Variants in GAK observed in about 807,000 individuals in gnomAD.
GAK encodes the protein cyclin-G-associated kinase.
In GAK, 79 loss-of-function variants were observed where a neutral mutation model predicts 143.9. The observed-to-expected ratio is 0.55, with a 90% CI of 0.46 to 0.66. The LOEUF is 0.66. Among genes scored for constraint, GAK ranks in the 30% least tolerant of loss-of-function variants. The pLI, the probability that GAK is intolerant of heterozygous loss-of-function variation, is 0.00. For synonymous variants in GAK, 881 were observed against 765.5 expected (o/e 1.15, Z -2.49); for missense variants, 1,693 against 1,779.7 (o/e 0.95, Z 0.88).
chr4:907,672 C>T (rs3775112), intron 4 of GAK, among the ~76,000 whole-genome samples: 84,515 of 152,088 alleles, frequency 0.56, 23,971 homozygotes, highest in South Asian at 0.67. Context: ...TGGGAGGGAC[C>T]GGGCACATCC....
At chr4:890,946 A>G (rs1361549133) in intron 9 of GAK, among the ~76,000 whole-genome samples, 1 of 131,998 alleles carries the variant, frequency 7.6e-6, no homozygotes, top group African/African-American at 2.8e-5. Flanking sequence ...TCCAACCAAC[A>G]TTTTTTTTTT....
chr4:904,914 G>C, intron 4 of GAK, 135 bp from the exon 5 acceptor site: 1 of 787,412 alleles, frequency 1.3e-6, no homozygotes, highest in Non-Finnish European at 2.0e-6. Context: ...GTAACAAAAC[G>C]ACCAGAGGTG....
intron 15 of GAK, among the ~76,000 whole-genome samples, chr4:879,649 T>C (rs1172002497): frequency 6.6e-6 from 1 of 152,210 alleles, no homozygotes; most frequent in Admixed American, 6.5e-5. Flanking sequence ...TGGGTTTTCA[T>C]GTGTTCATCT....
chr4:850,202 T>C (rs1017765561), intron 26 of GAK, 134 bp from the exon 27 acceptor site: 1 of 804,022 alleles, frequency 1.2e-6, no homozygotes, highest in Non-Finnish European at 1.9e-6. Context: ...ACAGACACTG[T>C]CCCACTGCAC....
intron 1 of GAK, among the ~76,000 whole-genome samples, chr4:927,700 TGCCCTCC>T (rs1259457013): frequency 7.8e-6 from 1 of 127,912 alleles, no homozygotes; most frequent in South Asian, 2.7e-4. Context: ...CCCGCTCACC[TGCCCTCC>T]GCACTGCCCC....
chr4:856,913 C>T (rs12509561), intron 24 of GAK, among the ~76,000 whole-genome samples: 23,741 of 152,216 alleles, frequency 0.16, 2,074 homozygotes, highest in Middle Eastern at 0.3. Flanking sequence ...ACCAAGCTGA[C>T]GACGTTCTGC....
chr4:928,521 C>T (rs551500159), intron 1 of GAK, among the ~76,000 whole-genome samples: 325 of 152,290 alleles, frequency 2.1e-3, no homozygotes, highest in African/African-American at 6.9e-3. Flanking sequence ...CAGAGCCAGA[C>T]TCTTTTCAAT....
At chr4:879,125 C>T (rs962311309) in intron 15 of GAK, among the ~76,000 whole-genome samples, 16 of 152,176 alleles carry the variant, frequency 1.1e-4, no homozygotes, top group Admixed American at 8.5e-4. Flanking sequence ...AGGGAGACCA[C>T]GAGAGAATGG....
chr4:897,671 AT>A (rs556049918), intron 6 of GAK, among the ~76,000 whole-genome samples: 207 of 152,294 alleles, frequency 1.4e-3, no homozygotes, highest in African/African-American at 4.7e-3. Context: ...AAGTCTGTTT[AT>A]TACATTGCTC....
Position 889,056 on chromosome 4 carries a change from GCGC to G in GAK, c.1082-89_1082-87del, listed in dbSNP as rs1380216482. 55 of 1,449,544 alleles carry G rather than the reference GCGC, an allele frequency of 3.8e-5. 1 individual carries two copies. Among genetic ancestry groups the G allele is most frequent in the Middle Eastern group, 4.8e-4 (2 of 4,132 alleles). The allele number at this position is 1,449,544 out of a possible 1,614,324, so 89.8% of individuals were successfully genotyped here. ...GTTGCTGGCTGGGCCCAGGCCCCAG[GCGC>G]TCGGTCCCACCTCCCCAGGCGCTCG... On this transcript the variant is annotated intron_variant, in intron 10 of 27. Coordinates refer to ENST00000314167, the MANE Select transcript of GAK (RefSeq NM_005255.4).
intron 7 of GAK, chr4:894,495 T>A (rs1269209633): frequency 6.4e-6 from 1 of 155,866 alleles, no homozygotes; most frequent in East Asian, 1.9e-4. Context: ...GCAGACATGG[T>A]GACTGGCCGA....
At chr4:893,620 G>GGAGC (rs1186364592) in intron 8 of GAK, 131 bp from the exon 9 acceptor site, 41 of 729,656 alleles carry the variant, frequency 5.6e-5, no homozygotes, top group Non-Finnish European at 8.3e-5. Context: ...AAGCAAGAAG[G>GGAGC]GAGCGGCAAA....
In GAK at chr4:885,035, G is replaced by A. The variant is rs539172020; in HGVS notation, c.1206-949C>T. Among the ~76,000 whole-genome samples the A allele has an allele frequency of 3.2e-4, 48 of 152,158 alleles. No homozygotes were observed. In the South Asian group the frequency reaches 4.6e-3, roughly 14 times the overall value. On this transcript the variant is annotated intron_variant, in intron 11 of 27. Transcript: ENST00000314167. The stretch of plus-strand genomic sequence containing the variant: ...ATGCGGGTCTTCCGTGCGTTCAAAC[G>A]TTTTAAAAGCCGTCTAAACCCACCG...
chr4:889,695 C>A, intron 10 of GAK, among the ~76,000 whole-genome samples: 1 of 152,336 alleles, frequency 6.6e-6, no homozygotes, highest in South Asian at 2.1e-4. Flanking sequence ...ACCTCCCACA[C>A]CGCAGTGGGG....
intron 7 of GAK, among the ~76,000 whole-genome samples, 154 bp downstream of exon 7, chr4:896,306 T>C (rs376952580): frequency 6.6e-6 from 1 of 152,146 alleles, no homozygotes; most frequent in Non-Finnish European, 1.5e-5. Flanking sequence ...GCCACAGTGA[T>C]TCTTAAGGAA....
intron 3 of GAK, 68 bp from the exon 4 acceptor site, chr4:911,855 T>G: frequency 8.4e-7 from 1 of 1,192,700 alleles, no homozygotes; most frequent in Non-Finnish European, 1.2e-6. Flanking sequence ...TCAAAATAAA[T>G]GTAGACAATA....
rs766178738 is a variant in GAK at position 849,693 on chromosome 4, C to G, written c.3916G>C (p.Gly1306Arg). The G allele has an allele frequency of 2.5e-6, 4 of 1,612,882 alleles. No individual in the cohort carries two copies. The highest frequency in any genetic ancestry group is 3.4e-6 in the Non-Finnish European group (4 of 1,179,486). The change falls in exon 28 of 28, where the codon GGC becomes CGC. Residue 1306 changes from glycine to arginine, a missense_variant. Gly to Arg is a moderately radical substitution (Grantham distance 125). Coordinates refer to ENST00000314167, the MANE Select transcript of GAK (RefSeq NM_005255.4). ...NDAWSEFENQGSRPLF is the reference protein window; with the variant it reads ...NDAWSEFENQRSRPLF ...CGGCCTCAGAAGAGGGGCCGGGAGCCCTGGTTCTCAAACTCCGACCAGGCG... is the reference window on the plus strand; with the variant it reads ...CGGCCTCAGAAGAGGGGCCGGGAGCGCTGGTTCTCAAACTCCGACCAGGCG...
Position 932,006 on chromosome 4 carries a change from C to G in GAK, c.145+37G>C, listed in dbSNP as rs1224013845. ...CCCCCAGCGTCCCGGAGACAACACTCCGCGGCCGCACCCGCGCTGCCGACC... is the reference window on the plus strand; with the variant it reads ...CCCCCAGCGTCCCGGAGACAACACTGCGCGGCCGCACCCGCGCTGCCGACC... On this transcript the variant is annotated intron_variant, in intron 1 of 27. Transcript: ENST00000314167. The surrounding 1 kb of genome is among the most constrained non-coding windows in gnomAD (Gnocchi z 4.0). 6.9e-7 allele frequency: 1 copy of G among 1,453,516 alleles called. No individual in the cohort carries two copies. The highest frequency in any genetic ancestry group is 1.4e-5 in the African/African-American group (1 of 71,304). 90.0% of individuals were successfully genotyped at this position (1,453,516 alleles called of 1,614,324 possible).
In GAK at chr4:851,819, G is replaced by A; in HGVS notation, c.3439C>T (p.Pro1147Ser). 6.2e-7 allele frequency: 1 copy of A among 1,611,886 alleles called. No homozygotes were observed. The highest frequency in any genetic ancestry group is 8.5e-7 in the Non-Finnish European group (1 of 1,178,826). ...PPPKACTQPR[P>S]NYASNFSVIG... The stretch of plus-strand genomic sequence containing the variant: ...ACACTGAAGTTCGAGGCATAGTTAG[G>A]CCTTGGCTGTGTGCAGGCTTTGGGG... Residue 1147 changes from proline (P) to serine (S), a missense_variant, in exon 25 of 28, where the codon CCT (proline) becomes TCT (serine). Coordinates refer to ENST00000314167, the MANE Select transcript of GAK (RefSeq NM_005255.4).
Sources: gnomAD v4.1 joint callset for allele counts (sites outside exome capture counted in the v4.1 genomes callset) on GRCh38, gnomAD v4.1.1 for gene constraint, Gnocchi (gnomAD v3.1) non-coding constraint, MANE v1.5 for transcripts, NCBI Gene and HGNC (gene_info 2026-07-23, HGNC 2026-07-21) for gene names.